Variants in FOXN3 observed in about 807,000 individuals in gnomAD.
The protein encoded by FOXN3 is forkhead box N3.
Under a neutral mutation model 38.4 loss-of-function variants are expected in FOXN3, and 7 were observed. The observed-to-expected ratio is 0.18, with a 90% confidence interval of 0.10 to 0.34. FOXN3 has a LOEUF of 0.34. FOXN3 is among the 10% of genes least tolerant of loss of function. The probability of loss-of-function intolerance (pLI) is 1.00; values close to 1 mark genes in which losing one functional copy is unlikely to be tolerated. For synonymous variants in FOXN3, 230 were observed against 242.2 expected (o/e 0.95, Z 0.47); for missense variants, 456 against 613.4 (o/e 0.74, Z 2.71).
chr14:89,496,140 G>A (rs1404904488), intron 1 of FOXN3, among the ~76,000 whole-genome samples: 1 of 152,170 alleles, frequency 6.6e-6, no homozygotes, highest in Non-Finnish European at 1.5e-5. Context: ...TTGAACCCGG[G>A]AGGCGGAGGT....
At chr14:89,561,987 A>C (rs1895258258) in intron 1 of FOXN3, among the ~76,000 whole-genome samples, 1 of 152,212 alleles carries the variant, frequency 6.6e-6, no homozygotes, top group Admixed American at 6.5e-5. Flanking sequence ...GAAAAGAAAT[A>C]TATTAGCTCC....
At chr14:89,569,278 G>A (rs952408079) in intron 1 of FOXN3, among the ~76,000 whole-genome samples, 10 of 152,266 alleles carry the variant, frequency 6.6e-5, no homozygotes, top group Middle Eastern at 3.4e-3. Flanking sequence ...AAAATGCATG[G>A]AGGGTGGGGG....
At chr14:89,324,043 G>C (rs978951111) in intron 3 of FOXN3, among the ~76,000 whole-genome samples, 1 of 152,192 alleles carries the variant, frequency 6.6e-6, no homozygotes, top group Admixed American at 6.5e-5. Flanking sequence ...ACCTGCAACA[G>C]ACATCATATA....
At chr14:89,250,600 G>A (rs1022176739) in intron 4 of FOXN3, among the ~76,000 whole-genome samples, 1 of 152,228 alleles carries the variant, frequency 6.6e-6, no homozygotes, top group African/African-American at 2.4e-5. Flanking sequence ...GAGAAGTCAA[G>A]TTATTCTGCC....
chr14:89,476,186 G>C (rs1893205815), intron 1 of FOXN3, among the ~76,000 whole-genome samples: 1 of 152,120 alleles, frequency 6.6e-6, no homozygotes, highest in South Asian at 2.1e-4. Flanking sequence ...CCTAGTGTTA[G>C]GTAAAAGTCC....
At chr14:89,400,716 C>T (rs539414018) in intron 2 of FOXN3, among the ~76,000 whole-genome samples, 54 of 152,302 alleles carry the variant, frequency 3.5e-4, no homozygotes, top group African/African-American at 1.1e-3. Context: ...GAGCCATTGC[C>T]ACCTCAGGGC....
intron 3 of FOXN3, among the ~76,000 whole-genome samples, chr14:89,320,973 C>G (rs1051075358): frequency 6.6e-6 from 1 of 152,052 alleles, no homozygotes; most frequent in African/African-American, 2.4e-5. Flanking sequence ...GGGAAAGGAA[C>G]CTTCTTCTTG....
chr14:89,520,380 T>A (rs1321556616), intron 1 of FOXN3, among the ~76,000 whole-genome samples: 1 of 152,192 alleles, frequency 6.6e-6, no homozygotes, highest in African/African-American at 2.4e-5. Flanking sequence ...CAATGCAACA[T>A]GGGACATTTA....
Position 89,159,121 on chromosome 14 carries a change from T to C in FOXN3, c.*3293A>G, listed in dbSNP as rs1887041746. 6.5e-6 allele frequency: 1 copy of C among 152,688 alleles called. No homozygotes were observed. The highest frequency in any genetic ancestry group is 2.1e-4 in the South Asian group (1 of 4,834). 9.5% of individuals were successfully genotyped at this position (152,688 alleles called of 1,614,324 possible). ...ATAGGCTTGTGCTTAAATTCTCTAC[T>C]GCTCTTGGAGGAGGGGATAAGAGAG... On this transcript the variant is annotated 3_prime_UTR_variant, in exon 6 of 6. Coordinates refer to ENST00000557258, the MANE Select transcript of FOXN3 (RefSeq NM_005197.4).
At chr14:89,235,348 C>T (rs369399887) in intron 4 of FOXN3, among the ~76,000 whole-genome samples, 2 of 152,200 alleles carry the variant, frequency 1.3e-5, no homozygotes, top group South Asian at 2.1e-4. Context: ...AAGCTAACCA[C>T]ACAAAGTAAA....
chr14:89,366,888 T>TA (rs1400455187), intron 2 of FOXN3, among the ~76,000 whole-genome samples: 3 of 152,322 alleles, frequency 2.0e-5, no homozygotes, highest in East Asian at 1.9e-4. Context: ...TGGTTGTCCG[T>TA]AGTTACTCAT....
chr14:89,291,300 C>G (rs1886864334), intron 3 of FOXN3: 1 of 479,710 alleles, frequency 2.1e-6, no homozygotes, highest in South Asian at 1.7e-5. Flanking sequence ...TTCAGAAATG[C>G]AGCCACGCAT....
At chr14:89,364,578 C>T (rs922526712) in intron 2 of FOXN3, 2 of 152,204 alleles carry the variant, frequency 1.3e-5, no homozygotes, top group African/African-American at 2.4e-5. Flanking sequence ...ATCCCAGCCA[C>T]AGAATATTTC....
chr14:89,482,185 T>C (rs1350153923), intron 1 of FOXN3, among the ~76,000 whole-genome samples: 1 of 152,170 alleles, frequency 6.6e-6, no homozygotes, highest in African/African-American at 2.4e-5. Flanking sequence ...GTATATACTT[T>C]CCCCTAGTGA....
chr14:89,170,551 T>C (rs975120344), intron 5 of FOXN3, among the ~76,000 whole-genome samples: 1 of 152,190 alleles, frequency 6.6e-6, no homozygotes, highest in African/African-American at 2.4e-5. Flanking sequence ...GCTGGGATTA[T>C]AGTTGTGAGC....
At chr14:89,495,018 T>C (rs748743778) in intron 1 of FOXN3, among the ~76,000 whole-genome samples, 3 of 152,190 alleles carry the variant, frequency 2.0e-5, no homozygotes, top group Non-Finnish European at 4.4e-5. Context: ...AAAGCCAAAA[T>C]GTATGGTTAT....
chr14:89,384,917 G>T (rs1054501391), intron 2 of FOXN3, among the ~76,000 whole-genome samples: 3 of 152,184 alleles, frequency 2.0e-5, no homozygotes, highest in African/African-American at 7.2e-5. Context: ...AAATTACATG[G>T]TTTTATATCC....
intron 1 of FOXN3, among the ~76,000 whole-genome samples, chr14:89,491,877 A>G (rs768164000): frequency 2.6e-5 from 4 of 152,226 alleles, no homozygotes; most frequent in Non-Finnish European, 5.9e-5. Context: ...CCAAGATTTC[A>G]CATTCCAATG....
At chr14:89,550,951 G>T (rs1894993615) in intron 1 of FOXN3, among the ~76,000 whole-genome samples, 1 of 152,170 alleles carries the variant, frequency 6.6e-6, no homozygotes, top group African/African-American at 2.4e-5. Context: ...GGAAGAAACA[G>T]TCTTCTACTT....
Sources: allele counts gnomAD v4.1 joint callset (sites outside exome capture counted in the v4.1 genomes callset), GRCh38; gene constraint gnomAD v4.1.1; transcripts MANE v1.5; gene names NCBI Gene and HGNC (gene_info 2026-07-23, HGNC 2026-07-21).